The following MEGF10 variants were observed in gnomAD, a reference collection of about 807,000 sequenced individuals.
The protein encoded by MEGF10 is multiple epidermal growth factor-like domains protein 10.
A neutral mutation model predicts 147.5 loss-of-function variants in MEGF10; 86 were observed. The observed-to-expected ratio is 0.58, with a 90% CI of 0.49 to 0.70. The LOEUF (loss-of-function observed/expected upper bound fraction) is 0.70. Ranked by LOEUF, MEGF10 falls within the 30% of genes least tolerant of loss-of-function variation. MEGF10 has a pLI of 0.00. For synonymous variants in MEGF10, 478 were observed against 525.5 expected (o/e 0.91, Z 1.24); for missense variants, 1,329 against 1,487.3 (o/e 0.89, Z 1.75).
chr5:127,404,564 T>G (rs1007982441), intron 8 of MEGF10, among the ~76,000 whole-genome samples: 2 of 152,154 alleles, frequency 1.3e-5, no homozygotes, highest in African/African-American at 4.8e-5. Context: ...CATCCTTCTT[T>G]TAATGCTCTT....
chr5:127,401,787 G>A (rs550633175), intron 7 of MEGF10, among the ~76,000 whole-genome samples: 3 of 152,244 alleles, frequency 2.0e-5, no homozygotes, highest in Admixed American at 6.5e-5. Flanking sequence ...TCCTATCCAC[G>A]CAAGATTGGA....
intron 5 of MEGF10, among the ~76,000 whole-genome samples, chr5:127,385,238 A>T (rs1020185121): frequency 1.3e-5 from 2 of 152,192 alleles, no homozygotes; most frequent in Non-Finnish European, 2.9e-5. Flanking sequence ...CAAACCTCAT[A>T]TAAATATATA....
chr5:127,231,642 C>T, the MEGF10 span, among the ~76,000 whole-genome samples: 222 of 152,194 alleles, frequency 1.5e-3, 1 homozygote, highest in African/African-American at 5.0e-3. Context: ...TGTTCATTAC[C>T]ACTTTCCAAG....
chr5:127,354,988 T>C (rs930918067), intron 4 of MEGF10, among the ~76,000 whole-genome samples: 12 of 152,222 alleles, frequency 7.9e-5, no homozygotes, highest in African/African-American at 2.9e-4. Flanking sequence ...CTTACAATTA[T>C]GTGAGGACAC....
chr5:127,280,769 C>A, the MEGF10 span, among the ~76,000 whole-genome samples: 3 of 152,314 alleles, frequency 2.0e-5, no homozygotes, highest in East Asian at 1.9e-4. Context: ...CAACTAGAGG[C>A]ATGCATTTTC....
intron 14 of MEGF10, 28 bp downstream of exon 14, chr5:127,433,537 C>T (rs898936040): frequency 2.6e-6 from 4 of 1,567,952 alleles, no homozygotes; most frequent in Non-Finnish European, 3.5e-6. Context: ...CAGTAATTTC[C>T]ACCTTCCCTT....
the MEGF10 span, among the ~76,000 whole-genome samples, chr5:127,247,724 G>A: frequency 6.6e-6 from 1 of 151,986 alleles, no homozygotes; most frequent in East Asian, 1.9e-4. Flanking sequence ...TTATATCTGG[G>A]AGCACTTTCC....
intron 1 of MEGF10, among the ~76,000 whole-genome samples, chr5:127,300,724 A>T (rs1759728588): frequency 6.6e-6 from 1 of 152,252 alleles, no homozygotes; most frequent in African/African-American, 2.4e-5. Flanking sequence ...ATCCTGGTGC[A>T]GCTGGGAGGG....
intron 13 of MEGF10, among the ~76,000 whole-genome samples, chr5:127,431,858 G>A (rs748229915): frequency 3.9e-5 from 6 of 152,056 alleles, no homozygotes; most frequent in Non-Finnish European, 7.3e-5. Context: ...CCCAGTATAG[G>A]TGTGGATATA....
At chr5:127,308,477 G>A (rs539717189) in intron 1 of MEGF10, among the ~76,000 whole-genome samples, 16 of 152,172 alleles carry the variant, frequency 1.1e-4, no homozygotes, top group Non-Finnish European at 1.3e-4. Context: ...TTTGGTTTCC[G>A]TGTACTTAAA....
intron 13 of MEGF10, among the ~76,000 whole-genome samples, chr5:127,426,804 C>G (rs950494568): frequency 7.2e-5 from 11 of 152,162 alleles, no homozygotes; most frequent in Admixed American, 7.2e-4. Flanking sequence ...GCCAGAACAC[C>G]CATTTGCTGA....
intron 1 of MEGF10, among the ~76,000 whole-genome samples, chr5:127,310,018 T>TC (rs58548600): frequency 0.044 from 1,213 of 27,270 alleles, 304 homozygotes; most frequent in Non-Finnish European, 0.073. Flanking sequence ...TCCTTTCTTT[T>TC]TTTCTTTCTT....
intron 20 of MEGF10, 59 bp from the exon 21 acceptor site, chr5:127,447,498 T>C: frequency 2.5e-6 from 4 of 1,603,332 alleles, no homozygotes; most frequent in Non-Finnish European, 8.5e-7. Context: ...TTTGATTCCC[T>C]TTTTTCACAC....
intron 4 of MEGF10, among the ~76,000 whole-genome samples, chr5:127,358,577 C>T (rs1217085871): frequency 6.6e-6 from 1 of 152,192 alleles, no homozygotes; most frequent in Non-Finnish European, 1.5e-5. Context: ...TGGGATGGCA[C>T]TTCCTGTGCA....
intron 1 of MEGF10, among the ~76,000 whole-genome samples, chr5:127,295,342 C>CATTTCAAT (rs1466221556): frequency 6.6e-6 from 1 of 152,174 alleles, no homozygotes; most frequent in Non-Finnish European, 1.5e-5. Flanking sequence ...ATTTTCTCCT[C>CATTTCAAT]ATTTCAATAA....
chr5:127,450,123 T>C (rs1012055251), intron 22 of MEGF10, among the ~76,000 whole-genome samples: 1 of 152,212 alleles, frequency 6.6e-6, no homozygotes, highest in African/African-American at 2.4e-5. Flanking sequence ...GTTCAGTTGG[T>C]TTTGATCTCA....
intron 12 of MEGF10, among the ~76,000 whole-genome samples, chr5:127,421,387 A>G (rs770211610): frequency 2.6e-5 from 4 of 152,240 alleles, no homozygotes; most frequent in Non-Finnish European, 5.9e-5. Context: ...TCTAGCACCC[A>G]CTACCTGTCT....
intron 8 of MEGF10, among the ~76,000 whole-genome samples, chr5:127,404,360 C>T (rs59745967): frequency 0.23 from 35,090 of 151,848 alleles, 4,600 homozygotes; most frequent in African/African-American, 0.37. Context: ...ATATGCTGGT[C>T]ATTAGGTTGG....
chr5:127,323,013 C>T (rs921386257), intron 1 of MEGF10, among the ~76,000 whole-genome samples: 17 of 151,606 alleles, frequency 1.1e-4, no homozygotes, highest in Non-Finnish European at 2.1e-4. Flanking sequence ...ATTGCATATA[C>T]ATATATATGC....
Sources: allele counts gnomAD v4.1 joint callset (sites outside exome capture counted in the v4.1 genomes callset), GRCh38; gene constraint gnomAD v4.1.1; transcripts MANE v1.5; gene names NCBI Gene and HGNC (gene_info 2026-07-23, HGNC 2026-07-21).